The following CRB1 variants were observed in gnomAD, a reference collection of about 807,000 sequenced individuals.
CRB1 encodes the protein protein crumbs homolog 1.
Under a neutral mutation model 120.0 loss-of-function variants are expected in CRB1, and 83 were observed. That is an observed-to-expected ratio of 0.69 (90% CI 0.58 to 0.83). The LOEUF (loss-of-function observed/expected upper bound fraction) is 0.83, where lower values mean the gene tolerates loss of function less well. Among genes scored for constraint, CRB1 ranks in the 40% least tolerant of loss-of-function variants. The probability of loss-of-function intolerance (pLI) is 0.00; values close to 1 mark genes in which losing one functional copy is unlikely to be tolerated. For synonymous variants in CRB1, 625 were observed against 612.5 expected (o/e 1.02, Z -0.30); for missense variants, 1,699 against 1,687.6 (o/e 1.01, Z -0.12).
At chr1:197,317,146 G>A (rs1657901713) in intron 1 of CRB1, among the ~76,000 whole-genome samples, 3 of 152,252 alleles carry the variant, frequency 2.0e-5, no homozygotes, top group Admixed American at 2.0e-4. Flanking sequence ...GGTGGGGCAC[G>A]GTGGCTCACG....
intron 5 of CRB1, among the ~76,000 whole-genome samples, chr1:197,404,955 A>G (rs1663265850): frequency 6.6e-6 from 1 of 152,178 alleles, no homozygotes; most frequent in Admixed American, 6.5e-5. Context: ...GTTGTGAGAA[A>G]TGAATAATAC....
chr1:197,474,421 T>A (rs1667114288), intron 11 of CRB1, among the ~76,000 whole-genome samples: 1 of 152,148 alleles, frequency 6.6e-6, no homozygotes, highest in Non-Finnish European at 1.5e-5. Context: ...GGCCTTGAAT[T>A]TGCTCTTTTA....
At chr1:197,246,239 G>A in the CRB1 span, among the ~76,000 whole-genome samples, 1 of 152,064 alleles carries the variant, frequency 6.6e-6, no homozygotes, top group Non-Finnish European at 1.5e-5. Flanking sequence ...GGCAGAGGTG[G>A]GGACACAGTT....
At chr1:197,412,334 G>A (rs1558118378) in intron 5 of CRB1, among the ~76,000 whole-genome samples, 1 of 152,160 alleles carries the variant, frequency 6.6e-6, no homozygotes, top group Non-Finnish European at 1.5e-5. Context: ...AGCATTTATA[G>A]TTATCTCATT....
chr1:197,388,066 T>G (rs569305587), intron 5 of CRB1, among the ~76,000 whole-genome samples: 2 of 152,152 alleles, frequency 1.3e-5, no homozygotes, highest in African/African-American at 4.8e-5. Context: ...AACATCATTT[T>G]AATGTCTCCA....
chr1:197,448,834 T>C (rs1470219086), intron 11 of CRB1, among the ~76,000 whole-genome samples: 1 of 152,242 alleles, frequency 6.6e-6, no homozygotes, highest in Non-Finnish European at 1.5e-5. Flanking sequence ...CATCCAATAA[T>C]AAACTGCTCA....
At chr1:197,441,247 A>C (rs1223667139) in intron 10 of CRB1, 1 of 152,254 alleles carries the variant, frequency 6.6e-6, no homozygotes, top group Non-Finnish European at 1.5e-5. Flanking sequence ...TAGCCGCCTT[A>C]GTTGCTGTTC....
intron 11 of CRB1, among the ~76,000 whole-genome samples, chr1:197,471,558 C>T (rs1181393459): frequency 6.6e-6 from 1 of 152,154 alleles, no homozygotes; most frequent in Non-Finnish European, 1.5e-5. Flanking sequence ...GCTCTCTGAT[C>T]GCCATCCTTT....
At chr1:197,278,617 G>A (rs1451361866) in intron 1 of CRB1, among the ~76,000 whole-genome samples, 1 of 151,810 alleles carries the variant, frequency 6.6e-6, no homozygotes, top group Non-Finnish European at 1.5e-5. Flanking sequence ...AACAAAAGCA[G>A]GTCATGTGGC....
chr1:197,325,929 C>T (rs967685764), intron 1 of CRB1, among the ~76,000 whole-genome samples: 19 of 151,900 alleles, frequency 1.3e-4, no homozygotes, highest in Admixed American at 1.2e-3. Flanking sequence ...TAATTCTTGA[C>T]GTTAATATCA....
At chr1:197,324,468 C>CT (rs1158661821) in intron 1 of CRB1, among the ~76,000 whole-genome samples, 18 of 152,090 alleles carry the variant, frequency 1.2e-4, no homozygotes, top group African/African-American at 4.3e-4. Context: ...TTATAAGGAA[C>CT]TTTATGTGTA....
At position 197,438,626 on chromosome 1, in the gene CRB1, T is replaced by G. The variant is rs1428792440; in HGVS notation, c.3829T>G (p.Phe1277Val). Residue 1277 changes from phenylalanine (F) to valine (V), a missense_variant, in exon 10 of 12, where the codon TTC becomes GTC. Phe to Val is a conservative substitution (Grantham distance 50). Coordinates refer to ENST00000367400, the MANE Select transcript of CRB1 (RefSeq NM_201253.3). ...CTACAATGGAGGCAACTGCACAGAG[T>G]TCCAGACTGAATTAAAATGTATGTG... ...TCYNGGNCTE[F>V]QTELKCMCRP... 1 of 1,612,746 alleles carries G rather than the reference T, an allele frequency of 6.2e-7. No individual in the cohort carries two copies. Among genetic ancestry groups the G allele is most frequent in the Non-Finnish European group, 8.5e-7 (1 of 1,179,088 alleles).
intron 2 of CRB1, among the ~76,000 whole-genome samples, chr1:197,333,045 G>C (rs781462228): frequency 1.3e-5 from 2 of 152,200 alleles, no homozygotes; most frequent in African/African-American, 2.4e-5. Flanking sequence ...TGACCTAGCT[G>C]CTGTGCACCA....
intron 5 of CRB1, among the ~76,000 whole-genome samples, chr1:197,391,677 G>A (rs2125415569): frequency 6.6e-6 from 1 of 152,156 alleles, no homozygotes; most frequent in Admixed American, 6.5e-5. Flanking sequence ...ACATCCAAGT[G>A]GCTGAGTTTT....
chr1:197,246,044 G>A, the CRB1 span, among the ~76,000 whole-genome samples: 86 of 152,164 alleles, frequency 5.7e-4, no homozygotes, highest in African/African-American at 2.0e-3. Context: ...TAACTGTTGG[G>A]CGTGCCAGGA....
intron 10 of CRB1, chr1:197,439,027 T>C (rs1320806561): frequency 3.5e-6 from 1 of 284,288 alleles, no homozygotes; most frequent in Non-Finnish European, 6.8e-6. Flanking sequence ...AAATTACAAC[T>C]AAAAGATTGC....
rs80082203 is a variant in CRB1 at position 197,403,936 on chromosome 1, T to C, written c.1172-17064T>C. Among the ~76,000 whole-genome samples, 108 of 152,274 alleles carry C rather than the reference T, an allele frequency of 7.1e-4. No individual in the cohort carries two copies. The East Asian group carries it at 0.02, about 28-fold the overall frequency. On this transcript the variant is annotated intron_variant, in intron 5 of 11. Coordinates refer to ENST00000367400, the MANE Select transcript of CRB1 (RefSeq NM_201253.3). ...CAGTCAAAGCTCCACCTCAGATACA[T>C]AGTAGAAATTGCTGTTCAAGTTCCG...
chr1:197,389,345 G>T (rs966832270), intron 5 of CRB1, among the ~76,000 whole-genome samples: 22 of 152,208 alleles, frequency 1.4e-4, no homozygotes, highest in Admixed American at 7.2e-4. Flanking sequence ...ATATATCATG[G>T]AATATAATTC....
chr1:197,450,494 A>G (rs956541528), intron 11 of CRB1, among the ~76,000 whole-genome samples: 8 of 152,168 alleles, frequency 5.3e-5, no homozygotes, highest in Non-Finnish European at 7.3e-5. Context: ...GGTAGTGAGC[A>G]TAGTAACCCA....
Sources: gnomAD v4.1 joint callset for allele counts (sites outside exome capture counted in the v4.1 genomes callset) on GRCh38, gnomAD v4.1.1 for gene constraint, MANE v1.5 for transcripts, NCBI Gene and HGNC (gene_info 2026-07-23, HGNC 2026-07-21) for gene names.